SPATA6: variants seen among roughly 807,000 people sequenced by gnomAD.
SPATA6 encodes spermatogenesis associated 6, also known as spermatogenesis-associated protein 6.
Under a neutral mutation model 65.3 loss-of-function variants are expected in SPATA6, and 56 were observed. That is an observed-to-expected ratio of 0.86 (90% CI 0.69 to 1.07). The LOEUF is 1.07. Ranked by LOEUF, SPATA6 falls within the 50% of genes least tolerant of loss-of-function variation. The pLI is 0.00. For missense variants in SPATA6, 590 were observed against 594.8 expected (o/e 0.99, Z 0.08); for synonymous variants, 199 against 213.2 (o/e 0.93, Z 0.58).
At chr1:48,438,835 C>G (rs1384816464) in intron 3 of SPATA6, among the ~76,000 whole-genome samples, 1 of 152,168 alleles carries the variant, frequency 6.6e-6, no homozygotes, top group Non-Finnish European at 1.5e-5. Context: ...CTTTAGGCAC[C>G]TGAGCTCACC....
intron 9 of SPATA6, among the ~76,000 whole-genome samples, chr1:48,360,928 A>G (rs563769961): frequency 6.6e-6 from 1 of 152,308 alleles, no homozygotes; most frequent in East Asian, 1.9e-4. Flanking sequence ...CTAATCAACT[A>G]GAAGGGTTGG....
intron 12 of SPATA6, among the ~76,000 whole-genome samples, chr1:48,301,928 A>T (rs1644949335): frequency 6.6e-6 from 1 of 152,208 alleles, no homozygotes; most frequent in Non-Finnish European, 1.5e-5. Context: ...GAAACTATTG[A>T]AGAAAATATT....
the SPATA6 span, among the ~76,000 whole-genome samples, chr1:48,287,687 C>T: frequency 6.6e-6 from 1 of 152,306 alleles, no homozygotes; most frequent in Non-Finnish European, 1.5e-5. Context: ...TTATGAGCTC[C>T]CTGAGGCCCT....
intron 3 of SPATA6, among the ~76,000 whole-genome samples, chr1:48,448,386 T>C (rs950543328): frequency 6.6e-6 from 1 of 151,966 alleles, no homozygotes; most frequent in African/African-American, 2.4e-5. Flanking sequence ...ACTTTTTGAA[T>C]GCTGACATTA....
chr1:48,468,107 CT>C (rs1657952482), intron 1 of SPATA6, among the ~76,000 whole-genome samples: 1 of 152,208 alleles, frequency 6.6e-6, no homozygotes, highest in African/African-American at 2.4e-5. Flanking sequence ...GATCTGCACT[CT>C]CATATTCATT....
chr1:48,400,624 C>CT, intron 6 of SPATA6: 1 of 319,238 alleles, frequency 3.1e-6, no homozygotes. Context: ...TCTTGACTTG[C>CT]TAAGGGTAAC....
At chr1:48,268,844 C>A in the SPATA6 span, among the ~76,000 whole-genome samples, 1 of 152,126 alleles carries the variant, frequency 6.6e-6, no homozygotes, top group African/African-American at 2.4e-5. Flanking sequence ...AACAATGAAA[C>A]TAATGACAGG....
intron 3 of SPATA6, among the ~76,000 whole-genome samples, chr1:48,418,855 G>GGA (rs1417616280): frequency 6.7e-6 from 1 of 148,540 alleles, no homozygotes; most frequent in Non-Finnish European, 1.5e-5. Context: ...AGAGGAGAGG[G>GGA]GAGGGGAAGG....
At chr1:48,438,087 C>T (rs1298810899) in intron 3 of SPATA6, among the ~76,000 whole-genome samples, 1 of 152,112 alleles carries the variant, frequency 6.6e-6, no homozygotes, top group African/African-American at 2.4e-5. Flanking sequence ...CTCAGGTCCC[C>T]TTCCACGCTG....
chr1:48,442,838 C>T (rs190375893), intron 3 of SPATA6, among the ~76,000 whole-genome samples: 90 of 151,542 alleles, frequency 5.9e-4, no homozygotes, highest in Non-Finnish European at 9.6e-4. Flanking sequence ...ACTCCAATAC[C>T]ACCTTGTTGT....
intron 3 of SPATA6, among the ~76,000 whole-genome samples, chr1:48,415,903 G>C (rs940203450): frequency 6.6e-6 from 1 of 152,024 alleles, no homozygotes; most frequent in African/African-American, 2.4e-5. Flanking sequence ...GAAAATCAAA[G>C]ACAAAAGAAA....
chr1:48,436,568 C>G, intron 3 of SPATA6: 1 of 1,612,752 alleles, frequency 6.2e-7, no homozygotes, highest in Admixed American at 1.7e-5. Flanking sequence ...GTGACCCTCT[C>G]TGGCCTGTCC....
At chr1:48,353,853 A>G (rs1411616160) in intron 11 of SPATA6, among the ~76,000 whole-genome samples, 1 of 152,024 alleles carries the variant, frequency 6.6e-6, no homozygotes, top group African/African-American at 2.4e-5. Context: ...AGTAGACAAA[A>G]ACTATAAAAA....
At chr1:48,400,799 CCTT>C in intron 6 of SPATA6, 1 of 1,297,136 alleles carries the variant, frequency 7.7e-7, no homozygotes, top group Non-Finnish European at 1.0e-6. Context: ...CTCCATCTTT[CCTT>C]CTTCTGTAGT....
chr1:48,264,197 T>C, the SPATA6 span, among the ~76,000 whole-genome samples: 2 of 152,108 alleles, frequency 1.3e-5, no homozygotes, highest in Admixed American at 6.6e-5. Flanking sequence ...CTCAATCATA[T>C]TATGAAAATG....
rs1015935583 is a variant in SPATA6 at position 48,325,648 on chromosome 1, C to G, written c.1195-19770G>C. On this transcript the variant is annotated intron_variant, in intron 11 of 12. Transcript: ENST00000371847. Reference sequence around the variant, plus strand: ...ATGTCAGGTTATCAAGCTTAGTTTCCTCCTCTGGAAGCCCCAGTAAGCCCC... The same window carrying G: ...ATGTCAGGTTATCAAGCTTAGTTTCGTCCTCTGGAAGCCCCAGTAAGCCCC... The G allele has an allele frequency of 2.3e-5, 15 of 661,254 alleles. No individual in the cohort carries two copies. In the Admixed American group the frequency reaches 3.0e-4, roughly 13 times the overall value. 41.0% of individuals were successfully genotyped at this position (661,254 alleles called of 1,614,324 possible).
rs150381697 is a variant in SPATA6 at position 48,406,621 on chromosome 1, A to T, written c.406-2739T>A. 4.8e-3 allele frequency among the ~76,000 whole-genome samples: 725 copies of T among 152,334 alleles called. 5 individuals are homozygous for T. Among genetic ancestry groups the T allele is most frequent in the African/African-American group, 0.017 (696 of 41,582 alleles). ...GTTAAATTCAAAGATGAGAAAGTCAAAGATTCTGTTTTTATGGAGTTCACA... is the reference window on the plus strand; with the variant it reads ...GTTAAATTCAAAGATGAGAAAGTCATAGATTCTGTTTTTATGGAGTTCACA... On this transcript the variant is annotated intron_variant, in intron 5 of 12. Coordinates refer to ENST00000371847, the MANE Select transcript of SPATA6 (RefSeq NM_019073.4).
intron 10 of SPATA6, among the ~76,000 whole-genome samples, chr1:48,356,598 C>T (rs1274734595): frequency 1.3e-5 from 2 of 149,934 alleles, no homozygotes; most frequent in Non-Finnish European, 1.5e-5. Flanking sequence ...ACTGCAACCT[C>T]CGCCTCCCAG....
intron 1 of SPATA6, among the ~76,000 whole-genome samples, chr1:48,453,568 C>A (rs1283509123): frequency 6.6e-6 from 1 of 152,076 alleles, no homozygotes; most frequent in Admixed American, 6.5e-5. Flanking sequence ...CTTCTATCAC[C>A]CAAAATCACA....
Sources: gnomAD v4.1 joint callset for allele counts (sites outside exome capture counted in the v4.1 genomes callset) on GRCh38, gnomAD v4.1.1 for gene constraint, MANE v1.5 for transcripts, NCBI Gene and HGNC (gene_info 2026-07-23, HGNC 2026-07-21) for gene names.